The following SP140L variants were observed in gnomAD, a reference collection of about 807,000 sequenced individuals.
The protein encoded by SP140L is SP140 like nuclear body protein, also known as nuclear body protein SP140-like protein.
Under a neutral mutation model 84.3 loss-of-function variants are expected in SP140L, and 64 were observed. The ratio of observed to expected loss-of-function variants is 0.76; its 90% CI spans 0.62 to 0.94. The LOEUF (loss-of-function observed/expected upper bound fraction) is 0.94. Among genes scored for constraint, SP140L ranks in the 40% least tolerant of loss-of-function variants. The pLI, the probability that SP140L is intolerant of heterozygous loss-of-function variation, is 0.00. For missense variants in SP140L, 628 were observed against 692.5 expected (o/e 0.91, Z 1.05); for synonymous variants, 242 against 236.9 (o/e 1.02, Z -0.20).
At chr2:230,345,727 G>A (rs574898047) in intron 2 of SP140L, among the ~76,000 whole-genome samples, 2 of 151,764 alleles carry the variant, frequency 1.3e-5, no homozygotes, top group Non-Finnish European at 2.9e-5. Flanking sequence ...CTGATTTTAA[G>A]CTAACAACTT....
chr2:230,367,842 G>T (rs979256084), intron 5 of SP140L, among the ~76,000 whole-genome samples: 1 of 152,204 alleles, frequency 6.6e-6, no homozygotes, highest in Admixed American at 6.5e-5. Context: ...TGAGGCAGGA[G>T]AATCGCTTGA....
intron 4 of SP140L, among the ~76,000 whole-genome samples, chr2:230,359,410 C>T (rs2060645894): frequency 6.6e-6 from 1 of 152,190 alleles, no homozygotes; most frequent in South Asian, 2.1e-4. Context: ...AGAACACCAA[C>T]GGGGCAGCAT....
Position 230,327,220 on chromosome 2 carries a change from G to A in SP140L, c.-50G>A. On this transcript the variant is annotated 5_prime_UTR_variant, in exon 1 of 19. Coordinates refer to ENST00000415673, the MANE Select transcript of SP140L (RefSeq NM_138402.6). ...ACTGCACGCAGGCTGGGCCGACTGG[G>A]GAGCTCATAGGCCAGGCTCTGACAC... 6.3e-7 allele frequency: 1 copy of A among 1,584,046 alleles called. No homozygotes were observed.
intron 2 of SP140L, among the ~76,000 whole-genome samples, chr2:230,351,130 C>A (rs905720269): frequency 1.3e-5 from 2 of 152,124 alleles, no homozygotes; most frequent in Admixed American, 6.5e-5. Context: ...AGGGTAGATT[C>A]CAAAAGCTGG....
intron 7 of SP140L, among the ~76,000 whole-genome samples, chr2:230,374,701 G>C (rs74204431): frequency 0.17 from 25,423 of 152,100 alleles, 2,400 homozygotes; most frequent in South Asian, 0.43. Context: ...TCCACACCCA[G>C]GCAAGACCCT....
At chr2:230,358,699 C>G (rs1041737069) in intron 3 of SP140L, among the ~76,000 whole-genome samples, 1 of 152,168 alleles carries the variant, frequency 6.6e-6, no homozygotes, top group African/African-American at 2.4e-5. Flanking sequence ...GAACTTTGAG[C>G]CCACTTTTAT....
chr2:230,353,312 T>C (rs1188414749), intron 2 of SP140L, among the ~76,000 whole-genome samples: 2 of 152,128 alleles, frequency 1.3e-5, no homozygotes, highest in African/African-American at 4.8e-5. Flanking sequence ...TGTAACTTTT[T>C]GAGACTTCTT....
chr2:230,372,791 A>G (rs1395424503), intron 7 of SP140L: 1 of 151,430 alleles, frequency 6.6e-6, no homozygotes, highest in East Asian at 1.9e-4. Flanking sequence ...TCTAGAAATG[A>G]TGAAGTTTAG....
At position 230,327,303 on chromosome 2, in the gene SP140L, T is replaced by C; in HGVS notation, c.32+2T>C. 6.2e-7 allele frequency: 1 copy of C among 1,610,946 alleles called. No individual in the cohort carries two copies. Among genetic ancestry groups the C allele is most frequent in the Non-Finnish European group, 8.5e-7 (1 of 1,178,610 alleles). ...TGGGGGCAGCGACCTGAGCACCAGG[T>C]GAGTCTTTATCTCTCTTCCTTTCAC... On this transcript the variant is annotated splice_donor_variant, in intron 1 of 18. Transcript: ENST00000415673. LOFTEE classifies it high-confidence loss of function.
At chr2:230,402,698 T>A (rs772792904) in intron 18 of SP140L, 100 bp from the exon 19 acceptor site, 11 of 922,098 alleles carry the variant, frequency 1.2e-5, no homozygotes, top group Non-Finnish European at 1.7e-5. Flanking sequence ...TTACAGTTTT[T>A]ATTTTTTAAA....
chr2:230,369,921 A>C lies in SP140L; in HGVS notation c.524-987A>C, dbSNP rs374162476. On this transcript the variant is annotated intron_variant, in intron 5 of 18. Transcript: ENST00000415673. Reference sequence around the variant, plus strand: ...CCCAAGTAGCTGGGATTACAGGCGCACGCCACCACACCCAGCTAATTTTTG... The same window carrying C: ...CCCAAGTAGCTGGGATTACAGGCGCCCGCCACCACACCCAGCTAATTTTTG... Among the ~76,000 whole-genome samples, 170 of 147,964 alleles carry C rather than the reference A, an allele frequency of 1.1e-3. 4 individuals are homozygous for C. Among genetic ancestry groups the C allele is most frequent in the African/African-American group, 4.0e-3 (151 of 37,740 alleles).
At chr2:230,348,270 G>T (rs1453543316) in intron 2 of SP140L, among the ~76,000 whole-genome samples, 1 of 152,192 alleles carries the variant, frequency 6.6e-6, no homozygotes, top group African/African-American at 2.4e-5. Context: ...TGCGAATATA[G>T]TAACATTATA....
Position 230,391,916 on chromosome 2 carries a change from G to A in SP140L, c.965-171G>A. 5 of 787,768 alleles carry A rather than the reference G, an allele frequency of 6.3e-6. No homozygotes were observed. The South Asian group carries it at 9.9e-5, about 16-fold the overall frequency. 48.8% of individuals were successfully genotyped at this position (787,768 alleles called of 1,614,324 possible). On this transcript the variant is annotated intron_variant, in intron 11 of 18. Transcript: ENST00000415673. ...CCCCCACCAGGAAATATACTTAGAG[G>A]GGACTTTCAGGCTGGATTTGGGGCC...
chr2:230,356,145 T>C (rs1322372989), intron 2 of SP140L, among the ~76,000 whole-genome samples: 1 of 152,198 alleles, frequency 6.6e-6, no homozygotes, highest in Non-Finnish European at 1.5e-5. Flanking sequence ...CTGGAATGGC[T>C]AAAACTAGAA....
Position 230,392,239 on chromosome 2 carries a change from T to C in SP140L, c.1107+10T>C. ...ACGACGGCTGATGGAGGTATTCCAATGACAAGAGGCCAGACCTGTGCCCAT... is the reference window on the plus strand; with the variant it reads ...ACGACGGCTGATGGAGGTATTCCAACGACAAGAGGCCAGACCTGTGCCCAT... On this transcript the variant is annotated intron_variant, in intron 12 of 18. Coordinates refer to ENST00000415673, the MANE Select transcript of SP140L (RefSeq NM_138402.6). 6.2e-7 allele frequency: 1 copy of C among 1,613,632 alleles called. No individual in the cohort carries two copies.
chr2:230,401,852 C>A (rs781202636), intron 18 of SP140L, 45 bp downstream of exon 18: 2 of 1,583,314 alleles, frequency 1.3e-6, no homozygotes, highest in East Asian at 2.2e-5. Context: ...TCCATCCTTC[C>A]CCTCATTTTC....
intron 7 of SP140L, among the ~76,000 whole-genome samples, chr2:230,382,515 T>A (rs746046467): frequency 6.6e-6 from 1 of 152,272 alleles, no homozygotes; most frequent in South Asian, 2.1e-4. Flanking sequence ...CTCCTAATTG[T>A]CTCTTTTCTC....
chr2:230,371,709 G>C (rs777473412), intron 7 of SP140L, 58 bp downstream of exon 7: 3 of 1,419,140 alleles, frequency 2.1e-6, no homozygotes, highest in African/African-American at 1.4e-5. Context: ...TTTAATGCCA[G>C]AGTTTTCTTT....
chr2:230,344,194 C>G (rs1439405782), intron 2 of SP140L, among the ~76,000 whole-genome samples: 1 of 152,188 alleles, frequency 6.6e-6, no homozygotes, highest in African/African-American at 2.4e-5. Flanking sequence ...CTTTATGAAT[C>G]TGGGTGCTCC....
Sources: gnomAD v4.1 joint callset for allele counts (sites outside exome capture counted in the v4.1 genomes callset) on GRCh38, gnomAD v4.1.1 for gene constraint, MANE v1.5 for transcripts, NCBI Gene and HGNC (gene_info 2026-07-23, HGNC 2026-07-21) for gene names.